PTMA: variants seen among roughly 807,000 people sequenced by gnomAD.
PTMA encodes the protein gene sequence 28.
In PTMA, 4 loss-of-function variants were observed where a neutral mutation model predicts 16.9. The observed-to-expected ratio is 0.24, with a 90% CI of 0.12 to 0.54. PTMA has a LOEUF of 0.54. PTMA is among the 20% of genes least tolerant of loss of function. PTMA has a pLI of 0.95. For missense variants in PTMA, 120 were observed against 137.7 expected (o/e 0.87, Z 0.64); for synonymous variants, 58 against 47.9 (o/e 1.21, Z -0.87).
In PTMA at chr2:231,712,654, G is replaced by A; in HGVS notation, c.285+138G>A. 12 of 1,310,472 alleles carry A rather than the reference G, an allele frequency of 9.2e-6. No individual in the cohort carries two copies. In the South Asian group the frequency reaches 1.5e-4, roughly 17 times the overall value. The allele number at this position is 1,310,472 out of a possible 1,614,324, so 81.2% of individuals were successfully genotyped here. A position where few individuals can be genotyped will look rare whatever the true frequency, so the allele number is the denominator to read the frequency against. On this transcript the variant is annotated intron_variant, in intron 4 of 4. Coordinates refer to ENST00000409115, the MANE Select transcript of PTMA (RefSeq NM_002823.5). ...GTGTGGTCCTGAATCTTAAGAACAGGAAGGAAACAGGGCTGGGCTCAACTT... is the reference window on the plus strand; with the variant it reads ...GTGTGGTCCTGAATCTTAAGAACAGAAAGGAAACAGGGCTGGGCTCAACTT...
At chr2:231,712,026 C>G in intron 3 of PTMA, 43 bp downstream of exon 3, 1 of 1,549,952 alleles carries the variant, frequency 6.5e-7, no homozygotes, top group Non-Finnish European at 8.7e-7. Context: ...GTACTTTTTC[C>G]TGGCCTTGTC....
chr2:231,711,923 G>C lies in PTMA; in HGVS notation c.151G>C (p.Glu51Gln). The change falls in exon 3 of 5, where the codon GAG (glutamate) becomes CAG (glutamine). Residue 51 changes from glutamate (E) to glutamine (Q), a missense_variant. Glu to Gln is a conservative substitution (Grantham distance 29). Transcript: ENST00000409115. ...AAATGGGGAGCAGGAGGCTGACAAT[G>C]AGGTAGACGAAGAAGAGGAAGAAGG... Reference protein sequence around the residue: ...EENGEQEADNEVDEEEEEGGE... With the variant: ...EENGEQEADNQVDEEEEEGGE... The C allele has an allele frequency of 6.2e-7, 1 of 1,607,980 alleles. No homozygotes were observed. The highest frequency in any genetic ancestry group is 8.5e-7 in the Non-Finnish European group (1 of 1,176,976).
At chr2:231,710,791 G>C (rs2048508367) in intron 1 of PTMA, 1 of 318,268 alleles carries the variant, frequency 3.1e-6, no homozygotes, top group Admixed American at 4.9e-5. Context: ...AACAGCGGTC[G>C]GATTTGGGGG....
At chr2:231,712,770 T>C in intron 4 of PTMA, 34 bp from the exon 5 acceptor site, 1 of 1,578,092 alleles carries the variant, frequency 6.3e-7, no homozygotes, top group East Asian at 2.3e-5. Flanking sequence ...GCTCCTGGGG[T>C]TGGAGGGGCC....
chr2:231,713,027 T>A lies in PTMA; in HGVS notation c.*176T>A. On this transcript the variant is annotated 3_prime_UTR_variant, in exon 5 of 5. Coordinates refer to ENST00000409115, the MANE Select transcript of PTMA (RefSeq NM_002823.5). ...GCTCTCCACCACCCAACCCAAACCA[T>A]GAGAATTTGCAACAGGGGAGGAAAA... The A allele has an allele frequency of 1.6e-6, 1 of 625,662 alleles. No homozygotes were observed. The highest frequency in any genetic ancestry group is 2.9e-5 in the East Asian group (1 of 34,872). The allele number at this position is 625,662 out of a possible 1,614,324, so 38.8% of individuals were successfully genotyped here. A position where few individuals can be genotyped will look rare whatever the true frequency, so the allele number is the denominator to read the frequency against.
chr2:231,711,122 C>T (rs1161584730), intron 1 of PTMA: 2 of 415,204 alleles, frequency 4.8e-6, no homozygotes, highest in Non-Finnish European at 8.6e-6. Context: ...GCCGCTGTAG[C>T]GGGCCTTAAA....
chr2:231,710,454 G>T, intron 1 of PTMA: 1 of 1,114,730 alleles, frequency 9.0e-7, no homozygotes, highest in Non-Finnish European at 1.1e-6. Flanking sequence ...CCGCCAGGGG[G>T]CGAGAGCGGG....
Position 231,713,201 on chromosome 2 carries a change from C to CG in PTMA, c.*352dup, listed in dbSNP as rs1477672273. The stretch of plus-strand genomic sequence containing the variant: ...GATCTCGGATGACCAAACCAGCCTT[C>CG]GGAGCGTTCTCTGTCCTACTTCTGA... On this transcript the variant is annotated 3_prime_UTR_variant, in exon 5 of 5. Transcript: ENST00000409115. 2.1e-6 allele frequency: 1 copy of CG among 470,320 alleles called. No homozygotes were observed. Among genetic ancestry groups the CG allele is most frequent in the East Asian group, 5.6e-5 (1 of 17,814 alleles). The allele number at this position is 470,320 out of a possible 1,614,324, so 29.1% of individuals were successfully genotyped here. A position where few individuals can be genotyped will look rare whatever the true frequency, so the allele number is the denominator to read the frequency against.
intron 1 of PTMA, chr2:231,710,235 G>C: frequency 7.5e-7 from 1 of 1,339,976 alleles, no homozygotes; most frequent in South Asian, 2.0e-5. Context: ...TCGAGAGCCC[G>C]GCCGACCGAC....
intron 4 of PTMA, 75 bp from the exon 5 acceptor site, chr2:231,712,729 C>A: frequency 1.3e-6 from 2 of 1,522,906 alleles, no homozygotes; most frequent in Non-Finnish European, 1.8e-6. Flanking sequence ...CTTGCTCTGC[C>A]AGCAGGAGCT....
chr2:231,709,392 C>A (rs6716877), intron 1 of PTMA, among the ~76,000 whole-genome samples: 1 of 152,144 alleles, frequency 6.6e-6, no homozygotes, highest in Non-Finnish European at 1.5e-5. Flanking sequence ...GGGGTGGGCG[C>A]CCTTCGAGGT....
At chr2:231,710,212 G>C in intron 1 of PTMA, 1 of 1,340,290 alleles carries the variant, frequency 7.5e-7, no homozygotes, top group Non-Finnish European at 9.7e-7. Context: ...GGTGGCGGCA[G>C]TGGGGCGTCG....
Position 231,711,643 on chromosome 2 carries a change from A to G in PTMA, c.117+224A>G. On this transcript the variant is annotated intron_variant, in intron 2 of 4. Transcript: ENST00000409115. Reference sequence around the variant, plus strand: ...CTGAACAAGAATAGGTTCAGAGGAGACTCCGGTAGTCTGAGTTTGGGCTTG... The same window carrying G: ...CTGAACAAGAATAGGTTCAGAGGAGGCTCCGGTAGTCTGAGTTTGGGCTTG... 6.8e-6 allele frequency: 5 copies of G among 740,338 alleles called. No individual in the cohort carries two copies. In the South Asian group the frequency reaches 9.8e-5, roughly 14 times the overall value. 45.9% of individuals were successfully genotyped at this position (740,338 alleles called of 1,614,324 possible). A position where few individuals can be genotyped will look rare whatever the true frequency, so the allele number is the denominator to read the frequency against.
chr2:231,712,587 C>G lies in PTMA; in HGVS notation c.285+71C>G, dbSNP rs1426662374. Reference sequence around the variant, plus strand: ...CCCACCTGCCTTTAGCTGAGGTGCTCAAGCTGCGGAGGGACTGTTTCTGAC... The same window carrying G: ...CCCACCTGCCTTTAGCTGAGGTGCTGAAGCTGCGGAGGGACTGTTTCTGAC... On this transcript the variant is annotated intron_variant, in intron 4 of 4. Transcript: ENST00000409115. The G allele has an allele frequency of 4.6e-6, 7 of 1,512,092 alleles. No homozygotes were observed. In the East Asian group the frequency reaches 1.6e-4, roughly 34 times the overall value. 93.7% of individuals were successfully genotyped at this position (1,512,092 alleles called of 1,614,324 possible).
chr2:231,711,688 C>T lies in PTMA; in HGVS notation c.118-202C>T, dbSNP rs377404794. ...GGCTTGGCCCAGGGTGGGGAAAAGC[C>T]CTTGTCCTGGGGCAGTTAATGTGCA... On this transcript the variant is annotated intron_variant, in intron 2 of 4. Coordinates refer to ENST00000409115, the MANE Select transcript of PTMA (RefSeq NM_002823.5). 39 of 1,008,248 alleles carry T rather than the reference C, an allele frequency of 3.9e-5. No individual in the cohort carries two copies. In the African/African-American group the frequency reaches 6.1e-4, roughly 16 times the overall value. The allele number at this position is 1,008,248 out of a possible 1,614,324, so 62.5% of individuals were successfully genotyped here.
At chr2:231,711,183 G>T in intron 1 of PTMA, 165 bp from the exon 2 acceptor site, 1 of 599,916 alleles carries the variant, frequency 1.7e-6, no homozygotes, top group Non-Finnish European at 3.0e-6. Flanking sequence ...CCTTCCACCA[G>T]ACCAGTGGGA....
intron 1 of PTMA, 144 bp downstream of exon 1, chr2:231,708,895 C>T (rs1167760251): frequency 1.9e-6 from 2 of 1,032,864 alleles, no homozygotes; most frequent in East Asian, 2.7e-5. Flanking sequence ...TGCCCTCAGG[C>T]AGCCCACTCT....
chr2:231,712,382 A>G, intron 3 of PTMA, 61 bp from the exon 4 acceptor site: 1 of 1,548,128 alleles, frequency 6.5e-7, no homozygotes, highest in South Asian at 1.1e-5. Context: ...GTTCCTCGGG[A>G]TTTCCCCAGG....
At chr2:231,711,594 T>C in intron 2 of PTMA, 175 bp downstream of exon 2, 1 of 739,932 alleles carries the variant, frequency 1.4e-6, no homozygotes, top group South Asian at 1.9e-5. Context: ...AGTTAAATAT[T>C]TATAAAAACC....
Sources: allele counts gnomAD v4.1 joint callset (sites outside exome capture counted in the v4.1 genomes callset), GRCh38; gene constraint gnomAD v4.1.1; transcripts MANE v1.5; gene names NCBI Gene and HGNC (gene_info 2026-07-23, HGNC 2026-07-21).